Variants in LMTK3 observed in about 807,000 individuals in gnomAD.
LMTK3 encodes serine/threonine-protein kinase LMTK3.
In LMTK3, 27 loss-of-function variants were observed where a neutral mutation model predicts 116.7. The observed-to-expected ratio is 0.23, with a 90% CI of 0.17 to 0.32. LMTK3 has a LOEUF of 0.32. Among genes scored for constraint, LMTK3 ranks in the 10% least tolerant of loss-of-function variants. The pLI, the probability that LMTK3 is intolerant of heterozygous loss-of-function variation, is 1.00. For missense variants in LMTK3, 1,764 were observed against 2,068.5 expected, an observed-to-expected ratio of 0.85 and a Z score of 2.86; for synonymous variants, 965 against 971.0, an observed-to-expected ratio of 0.99 and a Z score of 0.11.
chr19:48,508,025 AG>A (rs1972598812), intron 5 of LMTK3, among the ~76,000 whole-genome samples: 1 of 152,078 alleles, frequency 6.6e-6, no homozygotes, highest in African/African-American at 2.4e-5. Context: ...ATGAGCAAGG[AG>A]TGATATTCTA....
At chr19:48,487,592 C>A (rs1165787095) in intron 14 of LMTK3, among the ~76,000 whole-genome samples, 1 of 152,140 alleles carries the variant, frequency 6.6e-6, no homozygotes, top group Non-Finnish European at 1.5e-5. Context: ...ACAAAGCACA[C>A]CTTTTCCCTG....
Position 48,499,175 on chromosome 19 carries a change from G to A in LMTK3, c.1894C>T (p.Arg632Trp). The A allele has an allele frequency of 6.7e-7, 1 of 1,490,794 alleles. No homozygotes were observed. The highest frequency in any genetic ancestry group is 8.9e-7 in the Non-Finnish European group (1 of 1,118,414). 92.3% of individuals were successfully genotyped at this position (1,490,794 alleles called of 1,614,324 possible). A position where few individuals can be genotyped will look rare whatever the true frequency, so the allele number is the denominator to read the frequency against. Reference protein sequence around the residue: ...AGDPAEVLGERGTAPWVEEEE... With the variant: ...AGDPAEVLGEWGTAPWVEEEE... Reference sequence around the variant, plus strand: ...TCTTCCACCCACGGGGCGGTCCCCCGCTCCCCCAAGACCTCGGCAGGGTCT... The same window carrying A: ...TCTTCCACCCACGGGGCGGTCCCCCACTCCCCCAAGACCTCGGCAGGGTCT... Residue 632 changes from arginine (R) to tryptophan (W), a missense_variant, in exon 11 of 15, where the codon CGG becomes TGG. Arg to Trp is a moderately radical substitution (Grantham distance 101). Coordinates refer to ENST00000600059, the MANE Select transcript of LMTK3 (RefSeq NM_001388485.1).
intron 4 of LMTK3, among the ~76,000 whole-genome samples, chr19:48,509,191 G>A (rs1445099525): frequency 6.6e-6 from 1 of 152,262 alleles, no homozygotes; most frequent in Non-Finnish European, 1.5e-5. Flanking sequence ...ACGGACGGAC[G>A]CGTGGAGAGC....
Position 48,499,597 on chromosome 19 carries a change from C to T in LMTK3, c.1472G>A (p.Gly491Asp), listed in dbSNP as rs1239884455. ...WEKARRGAGR[G>D]GGAPAWQPAS... is the part of the protein sequence containing the mutation. ...CGGCTGCCAGGCAGGTGCCCCCCCACCCCGGCCGGCCCCACGCCGGGCCTT... is the reference window on the plus strand; with the variant it reads ...CGGCTGCCAGGCAGGTGCCCCCCCATCCCGGCCGGCCCCACGCCGGGCCTT... Residue 491 changes from glycine (G) to aspartate (D), a missense_variant, in exon 11 of 15, where the codon GGT becomes GAT. By Grantham distance (94) the Gly-to-Asp change is moderately conservative. Transcript: ENST00000600059. 2.6e-6 allele frequency: 4 copies of T among 1,537,060 alleles called. No individual in the cohort carries two copies. Among genetic ancestry groups the T allele is most frequent in the Admixed American group, 4.1e-5 (2 of 48,462 alleles).
chr19:48,499,331 C>G lies in LMTK3; in HGVS notation c.1738G>C (p.Val580Leu). The change falls in exon 11 of 15, where the codon GTG becomes CTG. Residue 580 changes from valine (V) to leucine (L), a missense_variant. This residue lies in a region of LMTK3 where 1,028 missense variants were observed against 1,050.6 expected (regional missense o/e 0.98). Coordinates refer to ENST00000600059, the MANE Select transcript of LMTK3 (RefSeq NM_001388485.1). ...AGGGGGGAGGCCCAGGTCTCGGACA[C>G]CAGCTGGGGGACCTCGGAGGGGGCC... is the stretch of plus-strand genomic sequence containing the variant. ...PQAPSEVPQL[V>L]SETWASPLFP... The G allele has an allele frequency of 7.1e-7, 1 of 1,415,474 alleles. No homozygotes were observed. Among genetic ancestry groups the G allele is most frequent in the Non-Finnish European group, 9.3e-7 (1 of 1,081,050 alleles). 87.7% of individuals were successfully genotyped at this position (1,415,474 alleles called of 1,614,324 possible).
chr19:48,502,321 A>G, intron 7 of LMTK3, 112 bp downstream of exon 7: 8 of 1,297,738 alleles, frequency 6.2e-6, no homozygotes, highest in South Asian at 1.4e-5. Context: ...GTTCGTCCCT[A>G]TTTTGTGTCA....
Position 48,491,162 on chromosome 19 carries a change from G to T in LMTK3, c.4312C>A (p.Pro1438Thr). The part of the protein sequence containing the change: ...PLCFSRFSVS[P>T]ALETPGPPAR... ...GGTGGCCCCGGGGTCTCCAGCGCAG[G>T]CGAGACGGAGAAGCGGGAGAAGCAC... Residue 1438 changes from proline (P) to threonine (T), a missense_variant, in exon 14 of 15, where the codon CCT becomes ACT. By Grantham distance (38) the Pro-to-Thr change is conservative. Around this residue, in one of 7 missense-constraint regions of LMTK3, gnomAD observed 281 missense variants for 301.4 expected, o/e 0.93. Transcript: ENST00000600059. This position sits in a 1 kb window ranked among gnomAD's most constrained non-coding sequence, Gnocchi z 5.1. The T allele has an allele frequency of 1.4e-6, 2 of 1,386,174 alleles. No individual in the cohort carries two copies. Among genetic ancestry groups the T allele is most frequent in the Non-Finnish European group, 1.9e-6 (2 of 1,068,182 alleles). 85.9% of individuals were successfully genotyped at this position (1,386,174 alleles called of 1,614,324 possible).
chr19:48,491,965 G>A lies in LMTK3; in HGVS notation c.4093-426C>T, dbSNP rs1190941366. On this transcript the variant is annotated intron_variant, in intron 12 of 14. Transcript: ENST00000600059. The surrounding 1 kb of genome is among the most constrained non-coding windows in gnomAD (Gnocchi z 5.1). ...CCCCATCCTGAGCGCATGCCGTGCT[G>A]GATGCTGTGACCCTGCCCCTGAGCC... Among the ~76,000 whole-genome samples the A allele has an allele frequency of 6.6e-6, 1 of 151,252 alleles. No homozygotes were observed. The highest frequency in any genetic ancestry group is 1.5e-5 in the Non-Finnish European group (1 of 67,912).
Position 48,500,359 on chromosome 19 carries a change from G to C in LMTK3, c.1152-442C>G, listed in dbSNP as rs753952406. 6.6e-6 allele frequency among the ~76,000 whole-genome samples: 1 copy of C among 152,052 alleles called. No individual in the cohort carries two copies. Among genetic ancestry groups the C allele is most frequent in the Admixed American group, 6.5e-5 (1 of 15,268 alleles). On this transcript the variant is annotated intron_variant, in intron 10 of 14. Coordinates refer to ENST00000600059, the MANE Select transcript of LMTK3 (RefSeq NM_001388485.1). This position sits in a 1 kb window ranked among gnomAD's most constrained non-coding sequence, Gnocchi z 4.0. The stretch of plus-strand genomic sequence containing the variant: ...GAACCGCTTGAACCCGGGAGGCGGA[G>C]GTTGCAGTGAGCCAAGATCGTGCCA...
At chr19:48,488,391 C>G (rs984866479) in intron 14 of LMTK3, among the ~76,000 whole-genome samples, 17 of 152,230 alleles carry the variant, frequency 1.1e-4, no homozygotes, top group Admixed American at 9.8e-4. Context: ...CAGCCTTTCC[C>G]CAGCCTCCCA....
At chr19:48,490,259 C>T (rs1327410495) in intron 14 of LMTK3, among the ~76,000 whole-genome samples, 1 of 152,116 alleles carries the variant, frequency 6.6e-6, no homozygotes, top group African/African-American at 2.4e-5. Flanking sequence ...CCCGGTGGCT[C>T]ACGCCTGTAA....
At chr19:48,509,355 G>C (rs1972620023) in intron 4 of LMTK3, 82 bp downstream of exon 4, 3 of 1,282,104 alleles carry the variant, frequency 2.3e-6, no homozygotes, top group Admixed American at 2.0e-5. Context: ...GATGAGAAGT[G>C]GTGAGAGCAG....
intron 1 of LMTK3, among the ~76,000 whole-genome samples, chr19:48,511,203 C>A (rs2147563356): frequency 6.6e-6 from 1 of 152,334 alleles, no homozygotes; most frequent in African/African-American, 2.4e-5. Flanking sequence ...GTCCTCTGCC[C>A]CCAATTCTCC....
Position 48,498,610 on chromosome 19 carries a change from C to T in LMTK3, c.2459G>A (p.Arg820Gln). Reference protein sequence around the residue: ...GGAAEEEGVPRPRAPPEPPDP... With the variant: ...GGAAEEEGVPQPRAPPEPPDP... Reference sequence around the variant, plus strand: ...GGGTGGCTCGGGGGGAGCCCGCGGCCGAGGGACCCCTTCCTCCTCGGCCGC... The same window carrying T: ...GGGTGGCTCGGGGGGAGCCCGCGGCTGAGGGACCCCTTCCTCCTCGGCCGC... The change falls in exon 11 of 15, where the codon CGG becomes CAG. Residue 820 changes from arginine (R) to glutamine (Q), a missense_variant. Arg to Gln is a conservative substitution (Grantham distance 43). This residue lies in a region of LMTK3 where 1,028 missense variants were observed against 1,050.6 expected (regional missense o/e 0.98). Transcript: ENST00000600059. 2 of 1,545,386 alleles carry T rather than the reference C, an allele frequency of 1.3e-6. No homozygotes were observed. The highest frequency in any genetic ancestry group is 2.5e-5 in the East Asian group (1 of 40,728).
intron 2 of LMTK3, 32 bp downstream of exon 2, chr19:48,510,427 C>T (rs1972636803): frequency 1.3e-6 from 2 of 1,579,566 alleles, no homozygotes; most frequent in Admixed American, 1.9e-5. Flanking sequence ...TGGAGTCTTC[C>T]TCCCCAAGTT....
chr19:48,499,848 C>G lies in LMTK3; in HGVS notation c.1221G>C (p.Gln407His). Reference protein sequence around the residue: ...QRPSASDLQLQLTYLLSERPP... With the variant: ...QRPSASDLQLHLTYLLSERPP... Reference sequence around the variant, plus strand: ...GCCGCTCGGAGAGCAAGTAGGTGAGCTGCAATTGGAGATCAGAGGCTGAAG... The same window carrying G: ...GCCGCTCGGAGAGCAAGTAGGTGAGGTGCAATTGGAGATCAGAGGCTGAAG... Residue 407 changes from glutamine (Q) to histidine (H), a missense_variant, in exon 11 of 15, where the codon CAG (glutamine) becomes CAC (histidine). Transcript: ENST00000600059. The G allele has an allele frequency of 6.3e-7, 1 of 1,591,272 alleles. No homozygotes were observed.
chr19:48,513,023 C>T (rs1195945641), upstream of LMTK3: 1 of 836,812 alleles, frequency 1.2e-6, no homozygotes, highest in African/African-American at 1.7e-5. This position sits in a 1 kb window ranked among gnomAD's most constrained non-coding sequence, Gnocchi z 5.6. Context: ...AGAACCCCAC[C>T]ACAGTCACAC....
Position 48,486,195 on chromosome 19 carries a change from G to A in LMTK3, c.4367-406C>T, listed in dbSNP as rs957594511. ...CTGCCTCAGCCTCCCAAGTAGCTGGGACTACAGGCGCCCGCCACTACGCCC... is the reference window on the plus strand; with the variant it reads ...CTGCCTCAGCCTCCCAAGTAGCTGGAACTACAGGCGCCCGCCACTACGCCC... On this transcript the variant is annotated intron_variant, in intron 14 of 14. Coordinates refer to ENST00000600059, the MANE Select transcript of LMTK3 (RefSeq NM_001388485.1). 1.9e-4 allele frequency among the ~76,000 whole-genome samples: 28 copies of A among 148,606 alleles called. No individual in the cohort carries two copies. In the East Asian group the frequency reaches 3.4e-3, roughly 18 times the overall value.
intron 11 of LMTK3, among the ~76,000 whole-genome samples, chr19:48,495,169 T>C (rs1972304231): frequency 6.6e-6 from 1 of 151,800 alleles, no homozygotes; most frequent in Non-Finnish European, 1.5e-5. Flanking sequence ...GCCCCCACGC[T>C]CAGCTAATTT....
Sources: allele counts gnomAD v4.1 joint callset (sites outside exome capture counted in the v4.1 genomes callset), GRCh38; gene constraint gnomAD v4.1.1; regional missense constraint gnomAD v4.1.1; non-coding constraint Gnocchi (gnomAD v3.1); transcripts MANE v1.5; gene names NCBI Gene and HGNC (gene_info 2026-07-23, HGNC 2026-07-21).